FNDC3B: variants seen among roughly 807,000 people sequenced by gnomAD.
FNDC3B encodes fibronectin type III domain-containing protein 3B.
Under a neutral mutation model 151.5 loss-of-function variants are expected in FNDC3B, and 12 were observed. The observed-to-expected ratio is 0.08, with a 90% CI of 0.05 to 0.13. The LOEUF (loss-of-function observed/expected upper bound fraction) is 0.13, where lower values mean the gene tolerates loss of function less well. Ranked by LOEUF, FNDC3B falls within the 10% of genes least tolerant of loss-of-function variation. The pLI is 1.00. For synonymous variants in FNDC3B, 528 were observed against 549.0 expected (o/e 0.96, Z 0.54); for missense variants, 1,214 against 1,505.3 (o/e 0.81, Z 3.20).
intron 7 of FNDC3B, among the ~76,000 whole-genome samples, chr3:172,290,520 G>A (rs982800053): frequency 1.3e-5 from 2 of 152,172 alleles, no homozygotes; most frequent in Non-Finnish European, 2.9e-5. Context: ...GCTAGATGTA[G>A]TCTCCCATAG....
chr3:172,385,428 C>A (rs1164321886), intron 25 of FNDC3B, among the ~76,000 whole-genome samples: 1 of 152,052 alleles, frequency 6.6e-6, no homozygotes, highest in Non-Finnish European at 1.5e-5. Context: ...TAAATGTTTC[C>A]TGCATGCATG....
intron 21 of FNDC3B, among the ~76,000 whole-genome samples, chr3:172,349,750 G>C (rs768815396): frequency 6.6e-6 from 1 of 152,140 alleles, no homozygotes; most frequent in African/African-American, 2.4e-5. Context: ...CCGCTTCACA[G>C]GTTCAAGCGA....
At chr3:172,211,424 A>G (rs1725726065) in intron 3 of FNDC3B, among the ~76,000 whole-genome samples, 1 of 152,218 alleles carries the variant, frequency 6.6e-6, no homozygotes, top group East Asian at 1.9e-4. Context: ...GCCCAGGGTT[A>G]TAATGATTTC....
intron 3 of FNDC3B, among the ~76,000 whole-genome samples, chr3:172,142,705 C>T (rs147192276): frequency 6.6e-6 from 1 of 152,334 alleles, no homozygotes; most frequent in African/African-American, 2.4e-5. Context: ...CAGAGCCTAT[C>T]CTGCATGCAG....
At chr3:172,218,588 ATAT>A (rs1461262423) in intron 3 of FNDC3B, among the ~76,000 whole-genome samples, 1 of 152,168 alleles carries the variant, frequency 6.6e-6, no homozygotes, top group African/African-American at 2.4e-5. Context: ...AGTTGTTAAG[ATAT>A]TATTCATCGA....
chr3:172,043,542 A>G (rs1383887334), intron 1 of FNDC3B, among the ~76,000 whole-genome samples: 2 of 152,000 alleles, frequency 1.3e-5, no homozygotes, highest in African/African-American at 4.8e-5. Context: ...TTTTTTGTAG[A>G]GACAGGTCTC....
At chr3:172,379,317 C>G (rs1735313395) in intron 24 of FNDC3B, among the ~76,000 whole-genome samples, 1 of 152,206 alleles carries the variant, frequency 6.6e-6, no homozygotes, top group Non-Finnish European at 1.5e-5. Flanking sequence ...CAAAATAACC[C>G]TAAGGCTGAC....
At chr3:172,098,268 G>A (rs1719190152) in intron 1 of FNDC3B, among the ~76,000 whole-genome samples, 1 of 152,086 alleles carries the variant, frequency 6.6e-6, no homozygotes, top group South Asian at 2.1e-4. Flanking sequence ...GTATTGAATT[G>A]CCAAAATCTA....
intron 1 of FNDC3B, among the ~76,000 whole-genome samples, chr3:172,078,168 A>G (rs926387464): frequency 1.3e-5 from 2 of 152,042 alleles, no homozygotes; most frequent in African/African-American, 4.8e-5. Flanking sequence ...TTTAGTAGAG[A>G]TGGGTTTTGC....
At chr3:172,093,413 C>T (rs551251642) in intron 1 of FNDC3B, among the ~76,000 whole-genome samples, 122 of 152,130 alleles carry the variant, frequency 8.0e-4, no homozygotes, top group African/African-American at 2.7e-3. Flanking sequence ...CGCCCGCCAC[C>T]GCACCCGGCT....
chr3:172,288,976 A>G (rs1173193438), intron 7 of FNDC3B, among the ~76,000 whole-genome samples: 1 of 152,154 alleles, frequency 6.6e-6, no homozygotes, highest in Non-Finnish European at 1.5e-5. Flanking sequence ...ACATGACTAA[A>G]ACAACTTCTC....
chr3:172,150,606 C>CT (rs894510760), intron 3 of FNDC3B, among the ~76,000 whole-genome samples: 8 of 150,740 alleles, frequency 5.3e-5, no homozygotes, highest in Non-Finnish European at 1.2e-4. Flanking sequence ...ATGCATCATT[C>CT]TTTTTTTTTA....
chr3:172,358,993 GT>G, intron 22 of FNDC3B, among the ~76,000 whole-genome samples: 1 of 142,052 alleles, frequency 7.0e-6, no homozygotes. Flanking sequence ...GGTGGTGGTG[GT>G]GGTGGTGGTG....
chr3:172,312,720 T>C (rs1389812544), intron 11 of FNDC3B, among the ~76,000 whole-genome samples: 2 of 152,130 alleles, frequency 1.3e-5, no homozygotes, highest in African/African-American at 4.8e-5. Context: ...GACCGTGAGT[T>C]CCTAAGTTAA....
intron 11 of FNDC3B, among the ~76,000 whole-genome samples, chr3:172,313,375 A>G (rs186483009): frequency 5.3e-5 from 8 of 152,300 alleles, no homozygotes; most frequent in African/African-American, 1.7e-4. Context: ...TCTGGTCCTT[A>G]GTTTTTTCCA....
chr3:172,277,036 A>G (rs1454269102), intron 6 of FNDC3B, among the ~76,000 whole-genome samples: 2 of 152,166 alleles, frequency 1.3e-5, no homozygotes, highest in East Asian at 3.8e-4. Context: ...GTTTTTGTTT[A>G]TGTAGGAGAA....
chr3:172,351,316 T>C (rs1733838955), intron 21 of FNDC3B, among the ~76,000 whole-genome samples: 1 of 152,144 alleles, frequency 6.6e-6, no homozygotes, highest in South Asian at 2.1e-4. Flanking sequence ...GAAAAAGCTT[T>C]CTGGACAGGA....
intron 1 of FNDC3B, among the ~76,000 whole-genome samples, chr3:172,068,830 T>C (rs1717634170): frequency 6.6e-6 from 1 of 152,250 alleles, no homozygotes. Context: ...CTAAATGCTT[T>C]ACATGCATTT....
chr3:172,156,933 A>G (rs913906384), intron 3 of FNDC3B, among the ~76,000 whole-genome samples: 4 of 152,140 alleles, frequency 2.6e-5, no homozygotes, highest in African/African-American at 7.2e-5. Context: ...TGACATGGCT[A>G]TTGTTCTAAT....
Sources: gnomAD v4.1 joint callset for allele counts (sites outside exome capture counted in the v4.1 genomes callset) on GRCh38, gnomAD v4.1.1 for gene constraint, MANE v1.5 for transcripts, NCBI Gene and HGNC (gene_info 2026-07-23, HGNC 2026-07-21) for gene names.